MRPL9: variants seen among roughly 807,000 people sequenced by gnomAD.
MRPL9 encodes large ribosomal subunit protein bL9m.
Under a neutral mutation model 27.6 loss-of-function variants are expected in MRPL9, and 25 were observed. The observed-to-expected ratio is 0.91, with a 90% CI of 0.66 to 1.27. The LOEUF is 1.27. Ranked by LOEUF, MRPL9 falls within the 50% of genes most tolerant of loss-of-function variation. The pLI is 0.00. For synonymous variants in MRPL9, 154 were observed against 139.0 expected (o/e 1.11, Z -0.76); for missense variants, 362 against 338.0 (o/e 1.07, Z -0.56).
At chr1:151,760,978 T>TAAAG in intron 5 of MRPL9, 79 bp from the exon 6 acceptor site, 1 of 1,293,918 alleles carries the variant, frequency 7.7e-7, no homozygotes, top group Non-Finnish European at 1.0e-6. Context: ...GGGAACCTCA[T>TAAAG]AAAGAGGGTT....
chr1:151,761,989 C>CT, intron 4 of MRPL9, 116 bp downstream of exon 4: 1 of 1,024,844 alleles, frequency 9.8e-7, no homozygotes. Flanking sequence ...CACAACACTT[C>CT]CCCTTTCTCC....
intron 1 of MRPL9, 76 bp from the exon 2 acceptor site, chr1:151,763,222 T>C (rs1648197136): frequency 6.5e-7 from 1 of 1,549,268 alleles, no homozygotes; most frequent in South Asian, 1.2e-5. Flanking sequence ...CGCCAGCCCC[T>C]CAAGGAAAGC....
chr1:151,760,104 G>A lies in MRPL9; in HGVS notation c.750C>T (p.Tyr250=). ...FEKPKTKRYK[Y]WLAQQAAKAM... The stretch of plus-strand genomic sequence containing the variant: ...CCTTGGCAGCTTGCTGGGCTAACCA[G>A]TACTTATATCTTTTGGTCTTGGGCT... The change falls in exon 7 of 7, where the codon TAC becomes TAT. Residue 250 remains tyrosine (Y), a synonymous_variant. Coordinates refer to ENST00000368830, the MANE Select transcript of MRPL9 (RefSeq NM_031420.4). The A allele has an allele frequency of 6.2e-7, 1 of 1,614,158 alleles. No homozygotes were observed. The highest frequency in any genetic ancestry group is 8.5e-7 in the Non-Finnish European group (1 of 1,180,024).
At position 151,763,495 on chromosome 1, in the gene MRPL9, A is replaced by C; in HGVS notation, c.-16T>G. ...GCGCCGCCATGTTCACAGGCACAGA[A>C]TGAGACCTGAGGGAGGACCCCGGCG... On this transcript the variant is annotated 5_prime_UTR_variant, in exon 1 of 7. Transcript: ENST00000368830. 1 of 1,553,758 alleles carries C rather than the reference A, an allele frequency of 6.4e-7. No homozygotes were observed. The highest frequency in any genetic ancestry group is 8.7e-7 in the Non-Finnish European group (1 of 1,148,184).
In MRPL9 at chr1:151,759,931, T is replaced by G; in HGVS notation, c.*119A>C. On this transcript the variant is annotated 3_prime_UTR_variant, in exon 7 of 7. Transcript: ENST00000368830. Reference sequence around the variant, plus strand: ...CATGTATACGCAGTGCAGTCTGATGTCTTCAGATGTTCTCTAAAATTCTGT... The same window carrying G: ...CATGTATACGCAGTGCAGTCTGATGGCTTCAGATGTTCTCTAAAATTCTGT... The G allele has an allele frequency of 7.5e-7, 1 of 1,338,702 alleles. No individual in the cohort carries two copies. The allele number at this position is 1,338,702 out of a possible 1,614,324, so 82.9% of individuals were successfully genotyped here.
chr1:151,760,921 A>AAAAT lies in MRPL9; in HGVS notation c.589-23_589-22insATTT. The AAAAT allele has an allele frequency of 3.9e-6, 6 of 1,540,772 alleles. No individual in the cohort carries two copies. In the African/African-American group the frequency reaches 7.3e-5, roughly 19 times the overall value. ...CAAGCTGCAAAAAAAAAAAAAAAAA[A>AAAAT]AAAAATCTCAGCTCAAATGAACTCT... On this transcript the variant is annotated intron_variant, in intron 5 of 6. Coordinates refer to ENST00000368830, the MANE Select transcript of MRPL9 (RefSeq NM_031420.4).
chr1:151,759,794 A>T lies in MRPL9; in HGVS notation c.*256T>A. On this transcript the variant is annotated 3_prime_UTR_variant, in exon 7 of 7. Transcript: ENST00000368830. ...GAGGAAGAAGCTAAACAGGTTTTGG[A>T]TGGTTTCGGTCTACTGCATCTAGCT... The T allele has an allele frequency of 2.6e-6, 1 of 383,600 alleles. No individual in the cohort carries two copies. The highest frequency in any genetic ancestry group is 5.1e-5 in the South Asian group (1 of 19,606). The allele number at this position is 383,600 out of a possible 1,614,324, so 23.8% of individuals were successfully genotyped here.
Position 151,760,491 on chromosome 1 carries a change from C to T in MRPL9, c.673-310G>A, listed in dbSNP as rs569291855. Among the ~76,000 whole-genome samples the T allele has an allele frequency of 7.7e-4, 110 of 143,528 alleles. 2 individuals carry two copies. The highest frequency in any genetic ancestry group is 6.3e-3 in the South Asian group (28 of 4,450). The allele number at this position is 143,528 out of a possible 152,430, so 94.2% of individuals were successfully genotyped here. A position where few individuals can be genotyped will look rare whatever the true frequency, so the allele number is the denominator to read the frequency against. ...ACTAGGGGGACTGAGGCAGAAGGAT[C>T]GCTTGAACCTGGGAGGTGGAGGTTG... On this transcript the variant is annotated intron_variant, in intron 6 of 6. Transcript: ENST00000368830.
chr1:151,763,295 T>G (rs1330477505), intron 1 of MRPL9, 32 bp downstream of exon 1: 1 of 1,583,352 alleles, frequency 6.3e-7, no homozygotes. Context: ...TACTCGAGCG[T>G]ATCTACCCCC....
intron 5 of MRPL9, 110 bp from the exon 6 acceptor site, chr1:151,761,009 A>T (rs1648049043): frequency 4.9e-6 from 5 of 1,019,016 alleles, no homozygotes; most frequent in Non-Finnish European, 6.9e-6. Context: ...CTGCACAGGG[A>T]TGAATAAAAC....
In MRPL9 at chr1:151,760,182, C is replaced by G. The variant is rs1558127017; in HGVS notation, c.673-1G>C. 1.2e-6 allele frequency: 2 copies of G among 1,614,100 alleles called. No individual in the cohort carries two copies. Among genetic ancestry groups the G allele is most frequent in the Non-Finnish European group, 1.7e-6 (2 of 1,179,990 alleles). Reference sequence around the variant, plus strand: ...CTCTCACAGTATCAAGCCCATTTACCTGCACACAAAACAATGGGAATTCTC... The same window carrying G: ...CTCTCACAGTATCAAGCCCATTTACGTGCACACAAAACAATGGGAATTCTC... On this transcript the variant is annotated splice_acceptor_variant, in intron 6 of 6. Coordinates refer to ENST00000368830, the MANE Select transcript of MRPL9 (RefSeq NM_031420.4). LOFTEE classifies it high-confidence loss of function.
rs1648139025 is a variant in MRPL9, at chr1:151,762,462, A to G, written c.349T>C (p.Ser117Pro). 6.2e-7 allele frequency: 1 copy of G among 1,614,022 alleles called. No individual in the cohort carries two copies. Among genetic ancestry groups the G allele is most frequent in the Admixed American group, 1.7e-5 (1 of 59,994 alleles). ...VRGDLVSVKK[S>P]LGRNRLLPQG... is the part of the protein sequence containing the mutation. ...GGAAGGAGTCGATTCCGGCCTAAAG[A>G]TTTCTTCACTGAGACCAGGTCACCC... Residue 117 changes from serine to proline, a missense_variant, in exon 3 of 7, where the codon TCT (serine) becomes CCT (proline). Physicochemically the swap from Ser to Pro is moderately conservative, Grantham distance 74. Coordinates refer to ENST00000368830, the MANE Select transcript of MRPL9 (RefSeq NM_031420.4).
chr1:151,761,360 C>T, intron 5 of MRPL9, 91 bp downstream of exon 5: 2 of 874,780 alleles, frequency 2.3e-6, no homozygotes, highest in South Asian at 1.4e-5. Flanking sequence ...ATGATCACAC[C>T]CCTTCCTAAC....
Position 151,760,278 on chromosome 1 carries a change from C to T in MRPL9, c.673-97G>A, listed in dbSNP as rs1392076900. 2.0e-6 allele frequency: 3 copies of T among 1,509,594 alleles called. No homozygotes were observed. The African/African-American group carries it at 4.2e-5, about 21-fold the overall frequency. The allele number at this position is 1,509,594 out of a possible 1,614,324, so 93.5% of individuals were successfully genotyped here. Reference sequence around the variant, plus strand: ...TTTTCACCCTGACTTTTCTCCCAGTCAGAAAAAGGAGAGCTAGGGCTGGGC... The same window carrying T: ...TTTTCACCCTGACTTTTCTCCCAGTTAGAAAAAGGAGAGCTAGGGCTGGGC... On this transcript the variant is annotated intron_variant, in intron 6 of 6. Coordinates refer to ENST00000368830, the MANE Select transcript of MRPL9 (RefSeq NM_031420.4).
chr1:151,762,657 C>CTAATTAGT, intron 2 of MRPL9, 157 bp from the exon 3 acceptor site: 1 of 756,702 alleles, frequency 1.3e-6, no homozygotes, highest in Non-Finnish European at 2.1e-6. Flanking sequence ...TAAGAGACTG[C>CTAATTAGT]TAATTAGTTT....
At chr1:151,762,530 A>G in intron 2 of MRPL9, 30 bp from the exon 3 acceptor site, 1 of 1,611,684 alleles carries the variant, frequency 6.2e-7, no homozygotes, top group South Asian at 1.1e-5. Flanking sequence ...CAGGGGAATT[A>G]GAACCATCTA....
chr1:151,761,399 A>G, intron 5 of MRPL9, 52 bp downstream of exon 5: 1 of 1,287,484 alleles, frequency 7.8e-7, no homozygotes, highest in Non-Finnish European at 1.1e-6. Context: ...CCTCCTTTCC[A>G]GAGGCAGCTT....
At chr1:151,763,290 G>C in intron 1 of MRPL9, 37 bp downstream of exon 1, 1 of 1,572,320 alleles carries the variant, frequency 6.4e-7, no homozygotes, top group Non-Finnish European at 8.7e-7. Context: ...AACAATACTC[G>C]AGCGTATCTA....
At chr1:151,762,071 G>C in intron 4 of MRPL9, 34 bp downstream of exon 4, 2 of 1,609,676 alleles carry the variant, frequency 1.2e-6, no homozygotes, top group South Asian at 2.2e-5. Context: ...GGTAAGTCTT[G>C]TGACAAATAA....
Sources: gnomAD v4.1 joint callset for allele counts (sites outside exome capture counted in the v4.1 genomes callset) on GRCh38, gnomAD v4.1.1 for gene constraint, MANE v1.5 for transcripts, NCBI Gene and HGNC (gene_info 2026-07-23, HGNC 2026-07-21) for gene names.